The following CSF1R variants were observed in gnomAD, a reference collection of about 807,000 sequenced individuals.
CSF1R encodes the protein macrophage colony-stimulating factor 1 receptor.
Under a neutral mutation model 110.0 loss-of-function variants are expected in CSF1R, and 40 were observed. The ratio of observed to expected loss-of-function variants is 0.36; its 90% confidence interval spans 0.28 to 0.47. The LOEUF is 0.47. CSF1R is among the 20% of genes least tolerant of loss of function. CSF1R has a pLI of 0.99. For missense variants in CSF1R, 1,052 were observed against 1,253.0 expected, an observed-to-expected ratio of 0.84 and a Z score of 2.42; for synonymous variants, 523 against 503.4, an observed-to-expected ratio of 1.04 and a Z score of -0.52.
intron 10 of CSF1R, among the ~76,000 whole-genome samples, chr5:150,067,853 C>T (rs73275635): frequency 0.023 from 3,506 of 152,264 alleles, 122 homozygotes; most frequent in African/African-American, 0.076. Context: ...CTTGCTTTCA[C>T]GGCTTTTTGT....
chr5:150,087,727 C>CTTCTTTTT (rs1758900215), upstream of CSF1R, among the ~76,000 whole-genome samples: 1 of 151,584 alleles, frequency 6.6e-6, no homozygotes, highest in Non-Finnish European at 1.5e-5. Flanking sequence ...GTCATTTCTT[C>CTTCTTTTT]TTCTTTTTTT....
At chr5:150,078,402 C>G (rs1758378361) in intron 3 of CSF1R, among the ~76,000 whole-genome samples, 154 bp from the exon 4 acceptor site, 1 of 152,062 alleles carries the variant, frequency 6.6e-6, no homozygotes, top group African/African-American at 2.4e-5. Flanking sequence ...CTCCCAGTCC[C>G]CCCACTGCAA....
At chr5:150,097,421 AG>A (rs1759262824) in intron 1 of CSF1R, among the ~76,000 whole-genome samples, 1 of 152,048 alleles carries the variant, frequency 6.6e-6, no homozygotes, top group African/African-American at 2.4e-5. Flanking sequence ...GAAAAAAGAA[AG>A]AAAGAAAAGA....
chr5:150,083,396 A>G (rs1037218913), intron 1 of CSF1R, among the ~76,000 whole-genome samples: 1 of 142,074 alleles, frequency 7.0e-6, no homozygotes, highest in Non-Finnish European at 1.6e-5. Flanking sequence ...ACACACACAC[A>G]CACACTGCAC....
intron 5 of CSF1R, among the ~76,000 whole-genome samples, chr5:150,075,674 G>A (rs1391060556): frequency 3.9e-5 from 6 of 152,118 alleles, no homozygotes; most frequent in Admixed American, 1.3e-4. Context: ...TTCATGAGTC[G>A]GGGGTTGTTG....
At chr5:150,056,855 A>G (rs1012662104) in intron 16 of CSF1R, among the ~76,000 whole-genome samples, 3 of 152,100 alleles carry the variant, frequency 2.0e-5, no homozygotes, top group Non-Finnish European at 4.4e-5. Flanking sequence ...TGACTCCCGA[A>G]TCTGTTCTAA....
intron 1 of CSF1R, among the ~76,000 whole-genome samples, chr5:150,099,213 C>CAACT (rs1017378791): frequency 6.6e-6 from 1 of 151,826 alleles, no homozygotes; most frequent in Admixed American, 6.6e-5. Flanking sequence ...TGGCCACGAA[C>CAACT]AACTATTAAT....
chr5:150,106,906 G>A (rs1759576057), intron 1 of CSF1R, among the ~76,000 whole-genome samples: 1 of 152,084 alleles, frequency 6.6e-6, no homozygotes, highest in Non-Finnish European at 1.5e-5. Flanking sequence ...GGCACTTCTC[G>A]CTGTCAACAG....
At chr5:150,067,612 G>A (rs1444225743) in intron 10 of CSF1R, among the ~76,000 whole-genome samples, 5 of 152,244 alleles carry the variant, frequency 3.3e-5, no homozygotes, top group African/African-American at 1.2e-4. Flanking sequence ...TAATAGGACA[G>A]TAACATGAAA....
rs1757959355 is a variant in CSF1R at position 150,069,931 on chromosome 5, C to T, written c.1452G>A (p.Glu484=). 1.2e-6 allele frequency: 2 copies of T among 1,613,970 alleles called. No individual in the cohort carries two copies. The highest frequency in any genetic ancestry group is 1.7e-6 in the Non-Finnish European group (2 of 1,179,990). Residue 484 remains glutamate, a synonymous_variant, in exon 9 of 21, where the codon GAG becomes GAA. Transcript: ENST00000675795. The stretch of plus-strand genomic sequence containing the variant: ...TCCCCACGCTGTTGTGGGCCCTGCA[C>T]TCGTAGGTTTGGTTGTGCTCTAAGG... The part of the protein sequence containing the change: ...VETLEHNQTY[E]CRAHNSVGSG...
intron 1 of CSF1R, among the ~76,000 whole-genome samples, chr5:150,099,933 G>T (rs1759349073): frequency 6.6e-6 from 1 of 152,106 alleles, no homozygotes; most frequent in East Asian, 1.9e-4. Context: ...AACCAAGACA[G>T]TCTTAAAGAA....
rs550300975 is a variant in CSF1R at position 150,091,916 on chromosome 5, AC to A, written c.-180-5310del. Among the ~76,000 whole-genome samples the A allele has an allele frequency of 4.6e-5, 7 of 151,832 alleles. No homozygotes were observed. In the East Asian group the frequency reaches 1.4e-3, roughly 29 times the overall value. ...GTTCTTTAGGTAAAAGGAGTATGAT[AC>A]CAGCTAGAAAGTTGGATATACATTA... is the stretch of plus-strand genomic sequence containing the variant. On this transcript the variant is annotated intron_variant, in intron 1 of 21. Transcript: ENST00000286301.
At position 150,054,110 on chromosome 5, in the gene CSF1R, C is replaced by A; in HGVS notation, c.2878G>T (p.Ala960Ser). The change falls in exon 21 of 21, where the codon GCC becomes TCC. Residue 960 changes from alanine to serine, a missense_variant. Physicochemically the swap from Ala to Ser is moderately conservative, Grantham distance 99. Transcript: ENST00000675795. ...HLTCCEQGDIAQPLLQPNNYQ... is the reference protein window; with the variant it reads ...HLTCCEQGDISQPLLQPNNYQ... ...TTGTTGGGCTGCAGCAAGGGCTGGG[C>A]GATATCCCCTTGCTCGCAGCAGGTC... 6.2e-7 allele frequency: 1 copy of A among 1,614,066 alleles called. No homozygotes were observed. Among genetic ancestry groups the A allele is most frequent in the Non-Finnish European group, 8.5e-7 (1 of 1,180,012 alleles).
intron 14 of CSF1R, among the ~76,000 whole-genome samples, chr5:150,058,918 T>G (rs566274981): frequency 6.6e-6 from 1 of 152,156 alleles, no homozygotes; most frequent in Non-Finnish European, 1.5e-5. Flanking sequence ...AGGCTCCACC[T>G]CTAACCCTGA....
In CSF1R at chr5:150,054,117, C is replaced by T; in HGVS notation, c.2871G>A (p.Gly957=). ...SSEHLTCCEQ[G]DIAQPLLQPN... ...GCTGCAGCAAGGGCTGGGCGATATC[C>T]CCTTGCTCGCAGCAGGTCAGGTGCT... Residue 957 remains glycine (G), a synonymous_variant, in exon 21 of 21, where the codon GGG becomes GGA. Coordinates refer to ENST00000675795, the MANE Select transcript of CSF1R (RefSeq NM_001288705.3). 1.9e-6 allele frequency: 3 copies of T among 1,614,104 alleles called. No homozygotes were observed. Among genetic ancestry groups the T allele is most frequent in the Non-Finnish European group, 1.7e-6 (2 of 1,180,016 alleles).
In CSF1R at chr5:150,079,998, G is replaced by C. The variant is rs41505051; in HGVS notation, c.592+54C>G. 8.3e-3 allele frequency: 13,096 copies of C among 1,577,570 alleles called. 633 individuals are homozygous for C. In the African/African-American group the frequency reaches 0.12, roughly 15 times the overall value. On this transcript the variant is annotated intron_variant, in intron 3 of 20. Coordinates refer to ENST00000675795, the MANE Select transcript of CSF1R (RefSeq NM_001288705.3). ...CCCAGTCACCACCCATGTGGCCGCC[G>C]GCTCTCTGTCCCCACTCTTCAGGCC... is the stretch of plus-strand genomic sequence containing the variant.
At position 150,056,095 on chromosome 5, in the gene CSF1R, C is replaced by G. The variant is rs1757202089; in HGVS notation, c.2485G>C (p.Asp829His). The G allele has an allele frequency of 6.2e-7, 1 of 1,614,210 alleles. No homozygotes were observed. The change falls in exon 18 of 21, where the codon GAC becomes CAC. Residue 829 changes from aspartate to histidine, a missense_variant. By Grantham distance (81) the Asp-to-His change is moderately conservative. Around this residue, in one of 5 missense-constraint regions of CSF1R, gnomAD observed 74 missense variants for 187.4 expected, o/e 0.39. Transcript: ENST00000675795. ...VKWMAPESIF[D>H]CVYTVQSDVW... ...TCGCTCTGAACCGTGTAGACACAGT[C>G]AAAGATGCTCTCTGGGGCCATCCAC...
At chr5:150,074,305 G>GT (rs35475636) in intron 5 of CSF1R, among the ~76,000 whole-genome samples, 11,065 of 126,688 alleles carry the variant, frequency 0.087, 762 homozygotes, top group East Asian at 0.19. Flanking sequence ...GTCCTGACTA[G>GT]TTTTTTTTTT....
At chr5:150,097,520 T>C (rs1759267936) in intron 1 of CSF1R, among the ~76,000 whole-genome samples, 4 of 152,116 alleles carry the variant, frequency 2.6e-5, no homozygotes, top group African/African-American at 9.7e-5. Context: ...AATGATTGTC[T>C]TCATAGAAAA....
Sources: gnomAD v4.1 joint callset for allele counts (sites outside exome capture counted in the v4.1 genomes callset) on GRCh38, gnomAD v4.1.1 for gene constraint, gnomAD v4.1.1 regional missense constraint, MANE v1.5 for transcripts, NCBI Gene and HGNC (gene_info 2026-07-23, HGNC 2026-07-21) for gene names.